The following TINAG variants were observed in gnomAD, a reference collection of about 807,000 sequenced individuals.
TINAG encodes the protein tubulointerstitial nephritis antigen.
In TINAG, 83 loss-of-function variants were observed where a neutral mutation model predicts 72.7. The observed-to-expected ratio is 1.14, with a 90% CI of 0.96 to 1.37. The LOEUF (loss-of-function observed/expected upper bound fraction) is 1.37. Among genes scored for constraint, TINAG ranks in the 40% most tolerant of loss-of-function variants. The probability of loss-of-function intolerance (pLI) is 0.00; values close to 1 mark genes in which losing one functional copy is unlikely to be tolerated. For synonymous variants in TINAG, 234 were observed against 189.9 expected (o/e 1.23, Z -1.91); for missense variants, 685 against 576.6 (o/e 1.19, Z -1.93).
intron 9 of TINAG, among the ~76,000 whole-genome samples, chr6:54,375,103 C>T (rs1763741584): frequency 6.6e-6 from 1 of 152,036 alleles, no homozygotes; most frequent in African/African-American, 2.4e-5. Context: ...TAAAATAAAA[C>T]TATTTTTCTT....
chr6:54,371,016 T>C (rs907539213), intron 9 of TINAG, among the ~76,000 whole-genome samples: 1 of 152,140 alleles, frequency 6.6e-6, no homozygotes, highest in African/African-American at 2.4e-5. Context: ...AAAAGCTTTC[T>C]TTTTATTCAG....
At chr6:54,337,501 G>A (rs1240942565) in intron 4 of TINAG, among the ~76,000 whole-genome samples, 2 of 151,916 alleles carry the variant, frequency 1.3e-5, no homozygotes, top group Non-Finnish European at 2.9e-5. Context: ...TGATCCGCCC[G>A]CTTCGGCCTC....
At chr6:54,311,889 C>T (rs970945002) in intron 1 of TINAG, among the ~76,000 whole-genome samples, 1 of 152,056 alleles carries the variant, frequency 6.6e-6, no homozygotes, top group African/African-American at 2.4e-5. Context: ...TTGAAGATAG[C>T]TGAACTCTGT....
intron 4 of TINAG, among the ~76,000 whole-genome samples, chr6:54,329,836 A>G (rs1784694909): frequency 6.6e-6 from 1 of 152,158 alleles, no homozygotes; most frequent in Non-Finnish European, 1.5e-5. Flanking sequence ...ATCTCTAATA[A>G]AGCAGAATTT....
chr6:54,343,672 T>C, intron 5 of TINAG, among the ~76,000 whole-genome samples: 1 of 152,050 alleles, frequency 6.6e-6, no homozygotes, highest in Admixed American at 6.6e-5. Context: ...TTTTCATTCA[T>C]ATATTATTTA....
At chr6:54,379,941 C>G (rs1272304843) in intron 9 of TINAG, among the ~76,000 whole-genome samples, 2 of 152,006 alleles carry the variant, frequency 1.3e-5, no homozygotes, top group African/African-American at 2.4e-5. Flanking sequence ...CCCCCGACCC[C>G]CAAACAGGCC....
In TINAG at chr6:54,308,549, G is replaced by GA. The variant is rs755701500; in HGVS notation, c.1dup. The stretch of plus-strand genomic sequence containing the variant: ...GTGGAAGCTATACCTGACTTCCAGA[G>GA]AATGTGGACCGGATATAAGATCTTA... On this transcript the variant is annotated 5_prime_UTR_variant, in exon 1 of 11. Coordinates refer to ENST00000259782, the MANE Select transcript of TINAG (RefSeq NM_014464.4). 4 of 1,606,106 alleles carry GA rather than the reference G, an allele frequency of 2.5e-6. No homozygotes were observed. In the South Asian group the frequency reaches 3.3e-5, roughly 13 times the overall value.
intron 1 of TINAG, among the ~76,000 whole-genome samples, chr6:54,317,374 T>C (rs570884911): frequency 6.6e-6 from 1 of 152,174 alleles, no homozygotes; most frequent in East Asian, 1.9e-4. Context: ...AGGGACCCAG[T>C]GAGAGGGAAT....
intron 4 of TINAG, among the ~76,000 whole-genome samples, chr6:54,327,514 A>G (rs2150941856): frequency 6.6e-6 from 1 of 152,232 alleles, no homozygotes; most frequent in Non-Finnish European, 1.5e-5. Context: ...TTCAAGCACA[A>G]AACTGGGTGG....
chr6:54,372,778 A>ATG (rs1562181289), intron 9 of TINAG, among the ~76,000 whole-genome samples: 4 of 147,088 alleles, frequency 2.7e-5, no homozygotes, highest in African/African-American at 7.5e-5. Context: ...ATATACACAC[A>ATG]CACACACATA....
At chr6:54,380,960 C>A (rs1044228783) in intron 10 of TINAG, among the ~76,000 whole-genome samples, 3 of 144,346 alleles carry the variant, frequency 2.1e-5, no homozygotes, top group African/African-American at 7.7e-5. Flanking sequence ...TATATATATC[C>A]TATAGGATAT....
chr6:54,343,444 T>A, intron 5 of TINAG, 95 bp downstream of exon 5: 1 of 1,143,358 alleles, frequency 8.7e-7, no homozygotes. Flanking sequence ...TTAGAATATT[T>A]AAATATTAGC....
chr6:54,308,077 G>C (rs879722004), upstream of TINAG: 1 of 1,549,790 alleles, frequency 6.5e-7, no homozygotes. Context: ...TGAGAGCCTG[G>C]ATGTTCGTTT....
intron 10 of TINAG, among the ~76,000 whole-genome samples, chr6:54,384,893 T>C (rs1164354402): frequency 1.3e-5 from 2 of 152,172 alleles, no homozygotes; most frequent in Non-Finnish European, 2.9e-5. Context: ...ACATTCTCTT[T>C]AAGTGCACAT....
intron 3 of TINAG, among the ~76,000 whole-genome samples, chr6:54,324,991 C>T (rs928910578): frequency 3.9e-5 from 6 of 152,178 alleles, no homozygotes; most frequent in African/African-American, 1.2e-4. Flanking sequence ...CCTATCCTCT[C>T]TCCTAGTTTA....
At chr6:54,351,254 T>C (rs1785258636) in intron 7 of TINAG, 98 bp from the exon 8 acceptor site, 2 of 1,063,656 alleles carry the variant, frequency 1.9e-6, no homozygotes, top group Non-Finnish European at 2.8e-6. Flanking sequence ...CAAAGTACAA[T>C]TGAGAGTAAA....
intron 9 of TINAG, among the ~76,000 whole-genome samples, chr6:54,356,261 G>GT (rs1279584351): frequency 2.0e-5 from 3 of 151,918 alleles, no homozygotes; most frequent in Non-Finnish European, 2.9e-5. Flanking sequence ...CAGGCCAGGT[G>GT]TGGTGGCTCA....
intron 9 of TINAG, among the ~76,000 whole-genome samples, chr6:54,373,535 T>C (rs1221598548): frequency 6.6e-6 from 1 of 152,152 alleles, no homozygotes; most frequent in Admixed American, 6.6e-5. Context: ...CATATAATCT[T>C]GAAATGCTAT....
intron 9 of TINAG, among the ~76,000 whole-genome samples, chr6:54,360,608 G>A (rs748750531): frequency 1.3e-5 from 2 of 151,512 alleles, no homozygotes; most frequent in Non-Finnish European, 3.0e-5. Flanking sequence ...TCTCAAGTTG[G>A]TTGTAATGCA....
Sources: gnomAD v4.1 joint callset for allele counts (sites outside exome capture counted in the v4.1 genomes callset) on GRCh38, gnomAD v4.1.1 for gene constraint, MANE v1.5 for transcripts, NCBI Gene and HGNC (gene_info 2026-07-23, HGNC 2026-07-21) for gene names.